The following LARGE1 variants were observed in gnomAD, a reference collection of about 807,000 sequenced individuals.
LARGE1 encodes the protein LARGE xylosyl- and glucuronyltransferase 1.
Under a neutral mutation model 87.6 loss-of-function variants are expected in LARGE1, and 43 were observed. The ratio of observed to expected loss-of-function variants is 0.49; its 90% CI spans 0.38 to 0.63. The LOEUF is 0.63. LARGE1 is among the 30% of genes least tolerant of loss of function. LARGE1 has a pLI of 0.00. For missense variants in LARGE1, 802 were observed against 1,000.2 expected, an observed-to-expected ratio of 0.80 and a Z score of 2.67; for synonymous variants, 434 against 394.6, an observed-to-expected ratio of 1.10 and a Z score of -1.18.
chr22:33,913,076 C>T (rs2267318), intron 1 of LARGE1, among the ~76,000 whole-genome samples: 72,283 of 151,824 alleles, frequency 0.48, 17,652 homozygotes, highest in East Asian at 0.56. Flanking sequence ...AGGTGATCCC[C>T]CCACCTCGGC....
At chr22:33,162,476 G>A (rs1360327837) in exon 12 of LARGE1, 1 of 152,180 alleles carries the variant, frequency 6.6e-6, no homozygotes, top group Non-Finnish European at 1.5e-5. Flanking sequence ...CTGACACGTG[G>A]GGATGATGGG....
the LARGE1 span, among the ~76,000 whole-genome samples, chr22:33,104,929 T>TTCTTTCTCTTTCTCTCTTTCTC: frequency 1.0e-5 from 1 of 100,030 alleles, no homozygotes; most frequent in Admixed American, 9.6e-5. Flanking sequence ...CTTTCTTTCT[T>TTCTTTCTCTTTCTCTCTTTCTC]TCTTTCTTTC....
At chr22:33,750,888 T>C (rs1415177647) in intron 2 of LARGE1, 1 of 152,202 alleles carries the variant, frequency 6.6e-6, no homozygotes, top group Admixed American at 6.5e-5. Context: ...AAAAAGCCAA[T>C]GTCATTACAT....
intron 11 of LARGE1, among the ~76,000 whole-genome samples, chr22:33,168,781 T>A (rs1418356974): frequency 6.6e-6 from 1 of 152,224 alleles, no homozygotes; most frequent in Non-Finnish European, 1.5e-5. Flanking sequence ...CTCATCCATT[T>A]CCTAAGGTCT....
intron 4 of LARGE1, among the ~76,000 whole-genome samples, chr22:33,615,351 A>G (rs1254633122): frequency 6.6e-6 from 1 of 152,208 alleles, no homozygotes; most frequent in African/African-American, 2.4e-5. Flanking sequence ...AGCTTGACAT[A>G]ATTACCTGGA....
intron 2 of LARGE1, among the ~76,000 whole-genome samples, chr22:33,716,444 C>T (rs1363469534): frequency 8.6e-5 from 13 of 151,988 alleles, no homozygotes; most frequent in Admixed American, 8.5e-4. Context: ...AGTCTGTCAC[C>T]CAAGCTCAAA....
intron 6 of LARGE1, among the ~76,000 whole-genome samples, chr22:33,489,372 C>T (rs1004156999): frequency 3.3e-5 from 5 of 152,130 alleles, no homozygotes; most frequent in Admixed American, 6.5e-5. Context: ...CTTCACTATG[C>T]GCAGGGCAGT....
At chr22:33,796,808 G>A (rs924584010) in intron 1 of LARGE1, among the ~76,000 whole-genome samples, 1 of 138,686 alleles carries the variant, frequency 7.2e-6, no homozygotes, top group Non-Finnish European at 1.5e-5. Context: ...ATGGGATGTC[G>A]CTCCGTCTCC....
intron 6 of LARGE1, among the ~76,000 whole-genome samples, chr22:33,433,857 T>C (rs1314333717): frequency 6.6e-6 from 1 of 152,216 alleles, no homozygotes; most frequent in Non-Finnish European, 1.5e-5. Flanking sequence ...CTCCTTGGTA[T>C]GATGACAGCT....
At chr22:33,631,097 C>A (rs1285417764) in intron 3 of LARGE1, among the ~76,000 whole-genome samples, 1 of 152,160 alleles carries the variant, frequency 6.6e-6, no homozygotes, top group Admixed American at 6.5e-5. Flanking sequence ...TCGTGATCCA[C>A]CCGCCTCAGC....
chr22:33,760,137 T>C (rs981024049), intron 2 of LARGE1, among the ~76,000 whole-genome samples: 1 of 152,246 alleles, frequency 6.6e-6, no homozygotes, highest in Non-Finnish European at 1.5e-5. Context: ...AACACAGTTG[T>C]GACTTCCTTG....
chr22:33,165,674 A>G (rs780387463), exon 12 of LARGE1: 4 of 152,196 alleles, frequency 2.6e-5, no homozygotes, highest in Non-Finnish European at 5.9e-5. Flanking sequence ...AGCTGGGAAA[A>G]CATCACTCTA....
chr22:33,213,600 G>T (rs1645008409), intron 11 of LARGE1, among the ~76,000 whole-genome samples: 1 of 152,174 alleles, frequency 6.6e-6, no homozygotes, highest in Admixed American at 6.5e-5. Flanking sequence ...ATCAAGGCAA[G>T]ATCATCCGCC....
chr22:33,116,598 C>T, the LARGE1 span, among the ~76,000 whole-genome samples: 12 of 151,760 alleles, frequency 7.9e-5, no homozygotes, highest in African/African-American at 2.2e-4. Context: ...CTCCTGACCT[C>T]GTGATCCGCC....
At chr22:33,597,839 C>A (rs565880244) in intron 5 of LARGE1, among the ~76,000 whole-genome samples, 1 of 152,222 alleles carries the variant, frequency 6.6e-6, no homozygotes, top group African/African-American at 2.4e-5. Flanking sequence ...CATGTAGGGC[C>A]TTGTCTGAAA....
At chr22:33,085,494 A>C in the LARGE1 span, among the ~76,000 whole-genome samples, 2 of 151,996 alleles carry the variant, frequency 1.3e-5, no homozygotes, top group African/African-American at 4.8e-5. Flanking sequence ...GTCTGTCCAC[A>C]GTAAATTCAC....
At chr22:33,129,979 G>T in the LARGE1 span, among the ~76,000 whole-genome samples, 3 of 152,254 alleles carry the variant, frequency 2.0e-5, no homozygotes. Flanking sequence ...AGTTAAAAGC[G>T]TATGTGAGCT....
chr22:33,385,715 A>C (rs2065300698), intron 7 of LARGE1, among the ~76,000 whole-genome samples: 1 of 147,856 alleles, frequency 6.8e-6, no homozygotes, highest in Admixed American at 6.7e-5. Context: ...GGAACACAAA[A>C]AGCCGAGAGA....
At position 33,564,938 on chromosome 22, in the gene LARGE1, C is replaced by T. The variant is rs1352966829; in HGVS notation, c.697G>A (p.Ala233Thr). 6.2e-7 allele frequency: 1 copy of T among 1,613,980 alleles called. No homozygotes were observed. The highest frequency in any genetic ancestry group is 8.5e-7 in the Non-Finnish European group (1 of 1,179,898). Reference protein sequence around the residue: ...MKLVLTKTLPANLERVIVLDT... With the variant: ...MKLVLTKTLPTNLERVIVLDT... ...AGGACGATGACTCTCTCCAGGTTGG[C>T]AGGAAGAGTCTTGGTCAGGACAAGC... Residue 233 changes from alanine (A) to threonine (T), a missense_variant, in exon 6 of 15, where the codon GCC becomes ACC. Ala to Thr is a moderately conservative substitution (Grantham distance 58). Transcript: ENST00000397394.
Sources: gnomAD v4.1 joint callset for allele counts (sites outside exome capture counted in the v4.1 genomes callset) on GRCh38, gnomAD v4.1.1 for gene constraint, MANE v1.5 for transcripts, NCBI Gene and HGNC (gene_info 2026-07-23, HGNC 2026-07-21) for gene names.